CTNNAL1: variants seen among roughly 807,000 people sequenced by gnomAD.
The protein encoded by CTNNAL1 is alpha-catulin.
In CTNNAL1, 69 loss-of-function variants were observed where a neutral mutation model predicts 93.6. That is an observed-to-expected ratio of 0.74 (90% CI 0.61 to 0.90). CTNNAL1 has a LOEUF of 0.90. Ranked by LOEUF, CTNNAL1 falls within the 40% of genes least tolerant of loss-of-function variation. CTNNAL1 has a pLI of 0.00. For missense variants in CTNNAL1, 836 were observed against 862.0 expected, an observed-to-expected ratio of 0.97 and a Z score of 0.38; for synonymous variants, 286 against 305.4, an observed-to-expected ratio of 0.94 and a Z score of 0.66.
intron 7 of CTNNAL1, 86 bp downstream of exon 7, chr9:108,979,195 G>A: frequency 2.0e-6 from 3 of 1,506,394 alleles, no homozygotes; most frequent in Non-Finnish European, 2.7e-6. Context: ...TCATACTCCT[G>A]GTGATTATGT....
At chr9:108,996,931 A>AT (rs35095583) in intron 2 of CTNNAL1, among the ~76,000 whole-genome samples, 148,854 of 152,234 alleles carry the variant, frequency 0.98, 72,797 homozygotes, top group East Asian at 1. Flanking sequence ...TGTTTCCCAC[A>AT]TTTTGTCTTG....
At chr9:108,988,799 T>A (rs1014191286) in intron 4 of CTNNAL1, among the ~76,000 whole-genome samples, 2 of 152,240 alleles carry the variant, frequency 1.3e-5, no homozygotes, top group Non-Finnish European at 2.9e-5. Flanking sequence ...TTTTATTTAC[T>A]GTTGAATCCT....
At chr9:108,955,276 G>A (rs995261877) in intron 12 of CTNNAL1, among the ~76,000 whole-genome samples, 9 of 152,062 alleles carry the variant, frequency 5.9e-5, no homozygotes, top group Non-Finnish European at 1.0e-4. Context: ...ATAAGACACC[G>A]TGCCCAGCCC....
At chr9:108,980,254 G>T (rs980430582) in intron 6 of CTNNAL1, among the ~76,000 whole-genome samples, 1 of 151,998 alleles carries the variant, frequency 6.6e-6, no homozygotes, top group Non-Finnish European at 1.5e-5. Context: ...GGAGTTCCTT[G>T]ACTATGTGAT....
At chr9:108,955,251 G>A (rs1220186767) in intron 12 of CTNNAL1, among the ~76,000 whole-genome samples, 1 of 152,150 alleles carries the variant, frequency 6.6e-6, no homozygotes, top group East Asian at 1.9e-4. Flanking sequence ...CTCCCAAAGT[G>A]CTGGGATTAC....
In CTNNAL1 at chr9:108,986,729, G is replaced by A. The variant is rs1470467741; in HGVS notation, c.640-2293C>T. On this transcript the variant is annotated intron_variant, in intron 4 of 18. Coordinates refer to ENST00000325551, the MANE Select transcript of CTNNAL1 (RefSeq NM_003798.4). ...TTTAATGATTGCCATTCTAACTGGT[G>A]TGAGATGGTATCTCATTGTGGTTTT... Among the ~76,000 whole-genome samples the A allele has an allele frequency of 2.6e-3, 391 of 152,254 alleles. 2 individuals are homozygous for A. Among genetic ancestry groups the A allele is most frequent in the African/African-American group, 8.9e-3 (368 of 41,550 alleles).
At chr9:108,983,519 G>A (rs989519912) in intron 5 of CTNNAL1, among the ~76,000 whole-genome samples, 10 of 151,992 alleles carry the variant, frequency 6.6e-5, no homozygotes, top group Non-Finnish European at 1.0e-4. Context: ...AATGCAGAGT[G>A]CAAAACTATA....
chr9:108,980,106 G>A (rs997835071), intron 6 of CTNNAL1, among the ~76,000 whole-genome samples: 10 of 152,026 alleles, frequency 6.6e-5, no homozygotes, highest in Non-Finnish European at 1.0e-4. Context: ...ATAGTTCCTC[G>A]CCATCTATAG....
At chr9:108,967,990 G>A (rs756779440) in intron 10 of CTNNAL1, among the ~76,000 whole-genome samples, 3 of 152,162 alleles carry the variant, frequency 2.0e-5, no homozygotes, top group Non-Finnish European at 4.4e-5. Flanking sequence ...ATTACAGCTA[G>A]CTGTTCCTCC....
At chr9:108,948,500 T>C (rs1026832002) in intron 14 of CTNNAL1, among the ~76,000 whole-genome samples, 1 of 152,242 alleles carries the variant, frequency 6.6e-6, no homozygotes, top group Non-Finnish European at 1.5e-5. Flanking sequence ...GTTCCATTTC[T>C]CTTTTTAACC....
At chr9:108,972,864 G>GGGGGGCGCGCCCCCCCCC in intron 8 of CTNNAL1, 31 bp from the exon 9 acceptor site, 1 of 142,588 alleles carries the variant, frequency 7.0e-6, no homozygotes, top group Non-Finnish European at 1.0e-5. Flanking sequence ...GGGGGGGTGG[G>GGGGGGCGCGCCCCCCCCC]AGGGTGGAGA....
At chr9:108,975,838 C>CT (rs2132138451) in intron 8 of CTNNAL1, among the ~76,000 whole-genome samples, 1 of 152,270 alleles carries the variant, frequency 6.6e-6, no homozygotes, top group Admixed American at 6.5e-5. Flanking sequence ...CCCATACACT[C>CT]TACTGACGAA....
At chr9:108,997,051 TG>T (rs1318940028) in intron 2 of CTNNAL1, among the ~76,000 whole-genome samples, 1 of 152,228 alleles carries the variant, frequency 6.6e-6, no homozygotes, top group Admixed American at 6.5e-5. Flanking sequence ...TTATTGAACA[TG>T]TCTTTTATTG....
At chr9:108,991,600 T>C (rs1044214118) in intron 3 of CTNNAL1, among the ~76,000 whole-genome samples, 1 of 152,204 alleles carries the variant, frequency 6.6e-6, no homozygotes, top group Non-Finnish European at 1.5e-5. Flanking sequence ...GATGAATATT[T>C]GGCATGTTAA....
intron 8 of CTNNAL1, 31 bp from the exon 9 acceptor site, chr9:108,972,864 G>GGGGGGCGCCCCCCCCCC: frequency 4.9e-5 from 7 of 142,538 alleles, no homozygotes; most frequent in Non-Finnish European, 7.0e-5. Context: ...GGGGGGGTGG[G>GGGGGGCGCCCCCCCCCC]AGGGTGGAGA....
chr9:109,005,728 T>G (rs1296879672), intron 1 of CTNNAL1, among the ~76,000 whole-genome samples: 1 of 152,240 alleles, frequency 6.6e-6, no homozygotes, highest in Non-Finnish European at 1.5e-5. Flanking sequence ...TTAAGGTGAT[T>G]CTGTTTATTA....
intron 11 of CTNNAL1, among the ~76,000 whole-genome samples, chr9:108,962,477 G>A (rs1174614259): frequency 2.0e-5 from 3 of 152,234 alleles, no homozygotes; most frequent in Middle Eastern, 3.4e-3. Context: ...TTAGATGTCC[G>A]GTGAGAGGAA....
intron 2 of CTNNAL1, among the ~76,000 whole-genome samples, chr9:108,998,475 GC>G (rs1832105335): frequency 6.6e-6 from 1 of 151,640 alleles, no homozygotes; most frequent in South Asian, 2.1e-4. Flanking sequence ...AGAATGCAAG[GC>G]CCAAGATGGC....
At chr9:109,011,911 T>C (rs1434199794) in intron 1 of CTNNAL1, among the ~76,000 whole-genome samples, 1 of 152,234 alleles carries the variant, frequency 6.6e-6, no homozygotes, top group Admixed American at 6.5e-5. Context: ...ACTATCAACT[T>C]GAACTCCATC....
Sources: allele counts gnomAD v4.1 joint callset (sites outside exome capture counted in the v4.1 genomes callset), GRCh38; gene constraint gnomAD v4.1.1; transcripts MANE v1.5; gene names NCBI Gene and HGNC (gene_info 2026-07-23, HGNC 2026-07-21).